Variants in THADA observed in about 807,000 individuals in gnomAD.
THADA encodes the protein THADA armadillo repeat containing.
Under a neutral mutation model 219.8 loss-of-function variants are expected in THADA, and 213 were observed. The ratio of observed to expected loss-of-function variants is 0.97; its 90% confidence interval spans 0.87 to 1.09. The LOEUF is 1.09. Ranked by LOEUF, THADA falls within the 50% of genes least tolerant of loss-of-function variation. THADA has a pLI of 0.00. For missense variants in THADA, 2,956 were observed against 2,311.3 expected, an observed-to-expected ratio of 1.28 and a Z score of -5.72; for synonymous variants, 1,018 against 828.9, an observed-to-expected ratio of 1.23 and a Z score of -3.92.
chr2:43,514,607 TA>T (rs1452294450), intron 22 of THADA, among the ~76,000 whole-genome samples: 11 of 89,994 alleles, frequency 1.2e-4, no homozygotes, highest in Admixed American at 1.2e-3. Flanking sequence ...ATTTTATATA[TA>T]TTTTATATAT....
intron 31 of THADA, among the ~76,000 whole-genome samples, chr2:43,299,789 G>A (rs918008167): frequency 6.6e-6 from 1 of 151,928 alleles, no homozygotes; most frequent in Admixed American, 6.6e-5. Context: ...CACTTTGGGA[G>A]GCCAAGGTGG....
chr2:43,360,507 T>C (rs1669385093), intron 29 of THADA, among the ~76,000 whole-genome samples: 2 of 152,356 alleles, frequency 1.3e-5, no homozygotes, highest in African/African-American at 4.8e-5. Context: ...CCTAGCCTAC[T>C]GACATGTCAG....
intron 35 of THADA, among the ~76,000 whole-genome samples, chr2:43,282,157 G>C (rs1369376017): frequency 6.6e-6 from 1 of 152,176 alleles, no homozygotes; most frequent in Non-Finnish European, 1.5e-5. Flanking sequence ...GCTAGGGTTT[G>C]AGTAGTTAAA....
intron 26 of THADA, among the ~76,000 whole-genome samples, chr2:43,442,685 T>G (rs540967724): frequency 5.7e-4 from 86 of 152,100 alleles, no homozygotes; most frequent in Non-Finnish European, 1.0e-3. Context: ...ACAGGAGAGA[T>G]ATGTTACAAG....
At chr2:43,442,139 G>A (rs1303149337) in intron 26 of THADA, among the ~76,000 whole-genome samples, 1 of 152,106 alleles carries the variant, frequency 6.6e-6, no homozygotes, top group Non-Finnish European at 1.5e-5. Context: ...GTTTTGTGGG[G>A]AAATTGGAAA....
At chr2:43,373,696 C>T (rs1426628823) in intron 29 of THADA, among the ~76,000 whole-genome samples, 1 of 152,096 alleles carries the variant, frequency 6.6e-6, no homozygotes, top group Non-Finnish European at 1.5e-5. Flanking sequence ...AGGCTGGTCT[C>T]GAACTCCTTG....
intron 21 of THADA, among the ~76,000 whole-genome samples, chr2:43,533,912 T>C (rs1389224286): frequency 1.3e-5 from 2 of 152,092 alleles, no homozygotes; most frequent in South Asian, 2.1e-4. Flanking sequence ...AAAATAAAAA[T>C]TTAAAACAAA....
Position 43,574,751 on chromosome 2 carries a change from C to T in THADA, c.1314G>A (p.Val438=), listed in dbSNP as rs1699670906. The change falls in exon 11 of 38, where the codon GTG becomes GTA. Residue 438 remains valine (V), a synonymous_variant. Transcript: ENST00000405975. ...ATCGTAAAAGACTCTCAGTCAATTC[C>T]ACAAAGAAAGGATCAGGGACGAAAT... ...GADFVPDPFF[V]ELTESLLRLE... The T allele has an allele frequency of 6.2e-7, 1 of 1,613,976 alleles. No homozygotes were observed. The highest frequency in any genetic ancestry group is 8.5e-7 in the Non-Finnish European group (1 of 1,179,884).
intron 20 of THADA, among the ~76,000 whole-genome samples, chr2:43,543,226 A>T (rs1391654557): frequency 7.2e-6 from 1 of 139,126 alleles, no homozygotes; most frequent in Non-Finnish European, 1.6e-5. Flanking sequence ...ATGGCTGCAT[A>T]GTATTCCATG....
chr2:43,290,379 A>G (rs923068893), intron 34 of THADA, among the ~76,000 whole-genome samples: 1 of 151,028 alleles, frequency 6.6e-6, no homozygotes, highest in African/African-American at 2.4e-5. Flanking sequence ...GCTCCTAGTG[A>G]CCTCCTACGT....
At chr2:43,319,448 T>A (rs1360575642) in intron 31 of THADA, among the ~76,000 whole-genome samples, 1 of 152,188 alleles carries the variant, frequency 6.6e-6, no homozygotes, top group African/African-American at 2.4e-5. Flanking sequence ...TACCTCTGCA[T>A]GGCCACAGGG....
At chr2:43,362,144 G>A (rs1669593976) in intron 29 of THADA, among the ~76,000 whole-genome samples, 1 of 152,162 alleles carries the variant, frequency 6.6e-6, no homozygotes, top group South Asian at 2.1e-4. Flanking sequence ...CATTTCCTGG[G>A]TGAATCTGGC....
chr2:43,240,140 A>G (rs1668465415), intron 36 of THADA, among the ~76,000 whole-genome samples: 1 of 152,220 alleles, frequency 6.6e-6, no homozygotes, highest in Non-Finnish European at 1.5e-5. Context: ...AGACAGGCTA[A>G]GCAGGGTGGG....
At chr2:43,456,992 T>C (rs1683079209) in intron 26 of THADA, among the ~76,000 whole-genome samples, 1 of 152,156 alleles carries the variant, frequency 6.6e-6, no homozygotes, top group Non-Finnish European at 1.5e-5. Context: ...CTGAATACAT[T>C]AACACCTATA....
At chr2:43,327,443 G>A (rs1020006638) in intron 30 of THADA, among the ~76,000 whole-genome samples, 1 of 141,764 alleles carries the variant, frequency 7.1e-6, no homozygotes, top group Non-Finnish European at 1.5e-5. Flanking sequence ...AGGGAGAGAA[G>A]GCAGGTGAGA....
At chr2:43,457,128 A>AT (rs1683099932) in intron 26 of THADA, among the ~76,000 whole-genome samples, 1 of 132,978 alleles carries the variant, frequency 7.5e-6, no homozygotes, top group Non-Finnish European at 1.6e-5. Context: ...CGTATTTAGG[A>AT]TATCTACACA....
chr2:43,280,144 G>A (rs1181003307), intron 35 of THADA, among the ~76,000 whole-genome samples: 3 of 152,206 alleles, frequency 2.0e-5, no homozygotes, highest in Admixed American at 1.3e-4. Context: ...ACCAGCGCTA[G>A]GCAAGGCCTC....
intron 26 of THADA, among the ~76,000 whole-genome samples, chr2:43,469,714 C>T (rs1045836188): frequency 6.6e-6 from 1 of 152,086 alleles, no homozygotes; most frequent in African/African-American, 2.4e-5. Flanking sequence ...AGAGAATATT[C>T]CCTGCATCAC....
intron 20 of THADA, among the ~76,000 whole-genome samples, chr2:43,543,871 T>C (rs1040061792): frequency 7.9e-5 from 12 of 151,770 alleles, no homozygotes; most frequent in African/African-American, 2.7e-4. Flanking sequence ...AGCTCTTTAG[T>C]TTAATTAGAT....
Sources: allele counts gnomAD v4.1 joint callset (sites outside exome capture counted in the v4.1 genomes callset), GRCh38; gene constraint gnomAD v4.1.1; transcripts MANE v1.5; gene names NCBI Gene and HGNC (gene_info 2026-07-23, HGNC 2026-07-21).